The following CTNND2 variants were observed in gnomAD, a reference collection of about 807,000 sequenced individuals.
CTNND2 encodes the protein catenin delta 2.
A neutral mutation model predicts 144.4 loss-of-function variants in CTNND2; 22 were observed. That is an observed-to-expected ratio of 0.15 (90% confidence interval 0.11 to 0.22). CTNND2 has a LOEUF of 0.22. CTNND2 is among the 10% of genes least tolerant of loss of function. The probability of loss-of-function intolerance (pLI) is 1.00; values close to 1 mark genes in which losing one functional copy is unlikely to be tolerated. For missense variants in CTNND2, 1,353 were observed against 1,618.8 expected (o/e 0.84, Z 2.82); for synonymous variants, 751 against 695.6 (o/e 1.08, Z -1.25).
chr5:11,382,797 C>A (rs1581071135), intron 7 of CTNND2, among the ~76,000 whole-genome samples: 1 of 152,054 alleles, frequency 6.6e-6, no homozygotes, highest in African/African-American at 2.4e-5. Flanking sequence ...AACCAAGTAG[C>A]TCCCAACTTC....
At chr5:11,677,912 C>T (rs1276997309) in intron 2 of CTNND2, among the ~76,000 whole-genome samples, 1 of 152,062 alleles carries the variant, frequency 6.6e-6, no homozygotes, top group Non-Finnish European at 1.5e-5. Flanking sequence ...GCAGGAGTTC[C>T]ACTCATATTG....
intron 3 of CTNND2, among the ~76,000 whole-genome samples, chr5:11,529,005 T>A: frequency 6.6e-6 from 1 of 152,186 alleles, no homozygotes; most frequent in South Asian, 2.1e-4. Flanking sequence ...GATGAAAATA[T>A]GTGGGAAGGG....
chr5:11,881,807 C>T (rs1487151053), intron 1 of CTNND2, among the ~76,000 whole-genome samples: 1 of 152,030 alleles, frequency 6.6e-6, no homozygotes, highest in Non-Finnish European at 1.5e-5. Flanking sequence ...TTTTGAAGAA[C>T]TGCCCTACTT....
intron 1 of CTNND2, among the ~76,000 whole-genome samples, chr5:11,834,948 G>C (rs1468409464): frequency 1.3e-5 from 2 of 152,146 alleles, no homozygotes; most frequent in African/African-American, 2.4e-5. Flanking sequence ...TGAGCAGCCT[G>C]GCCAACATGG....
intron 1 of CTNND2, among the ~76,000 whole-genome samples, chr5:11,807,018 AAAAT>A (rs531472896): frequency 1.6e-3 from 238 of 152,238 alleles, no homozygotes; most frequent in African/African-American, 5.4e-3. Context: ...AATTATAATA[AAAAT>A]AAATATTTAA....
chr5:11,234,646 G>C (rs1467706560), intron 10 of CTNND2, among the ~76,000 whole-genome samples: 1 of 152,192 alleles, frequency 6.6e-6, no homozygotes, highest in East Asian at 1.9e-4. Context: ...AGGTGGCATT[G>C]CCACTGAGAG....
intron 16 of CTNND2, among the ~76,000 whole-genome samples, chr5:11,045,349 G>T (rs180672714): frequency 6.6e-6 from 1 of 152,132 alleles, no homozygotes; most frequent in African/African-American, 2.4e-5. Context: ...GAGATCGTAC[G>T]GGGAGAGAAG....
intron 1 of CTNND2, among the ~76,000 whole-genome samples, chr5:11,885,815 C>A (rs1469962239): frequency 6.6e-6 from 1 of 152,120 alleles, no homozygotes; most frequent in African/African-American, 2.4e-5. Context: ...AAAATAAAAT[C>A]ATATCAAGTA....
chr5:11,216,291 G>A (rs552627874), intron 10 of CTNND2, among the ~76,000 whole-genome samples: 2 of 152,304 alleles, frequency 1.3e-5, no homozygotes, highest in South Asian at 2.1e-4. Flanking sequence ...CATGTTACAC[G>A]GAAAAGAGGA....
At chr5:11,474,627 G>T (rs192741946) in intron 3 of CTNND2, among the ~76,000 whole-genome samples, 11 of 152,328 alleles carry the variant, frequency 7.2e-5, no homozygotes, top group Admixed American at 6.5e-4. Context: ...TCTCCTTAGG[G>T]ATAGCAACAG....
chr5:11,313,319 C>T (rs55759712), intron 9 of CTNND2, among the ~76,000 whole-genome samples: 32 of 152,326 alleles, frequency 2.1e-4, no homozygotes, highest in African/African-American at 4.6e-4. Context: ...AGCCTCAGTA[C>T]GGCTGCTCAG....
intron 18 of CTNND2, among the ~76,000 whole-genome samples, chr5:11,001,160 C>T (rs188252536): frequency 3.3e-5 from 5 of 152,294 alleles, no homozygotes; most frequent in Admixed American, 1.3e-4. Flanking sequence ...AACATCCCCA[C>T]CTTTGATCAG....
At chr5:11,728,761 A>T (rs1048567639) in intron 2 of CTNND2, among the ~76,000 whole-genome samples, 1 of 152,144 alleles carries the variant, frequency 6.6e-6, no homozygotes, top group African/African-American at 2.4e-5. Flanking sequence ...CTGGGGTTTG[A>T]TAATATATTG....
At chr5:11,812,372 T>C (rs1792383239) in intron 1 of CTNND2, among the ~76,000 whole-genome samples, 2 of 152,220 alleles carry the variant, frequency 1.3e-5, no homozygotes, top group Admixed American at 6.5e-5. Flanking sequence ...TATTCTTTCA[T>C]AACTGCAAGC....
intron 2 of CTNND2, among the ~76,000 whole-genome samples, chr5:11,572,565 ATCC>A (rs1326738413): frequency 6.6e-6 from 1 of 152,050 alleles, no homozygotes; most frequent in African/African-American, 2.4e-5. Flanking sequence ...ATTAGATGAC[ATCC>A]TCCTGATACA....
chr5:11,620,822 G>C (rs1780796386), intron 2 of CTNND2, among the ~76,000 whole-genome samples: 1 of 152,172 alleles, frequency 6.6e-6, no homozygotes, highest in Non-Finnish European at 1.5e-5. Flanking sequence ...AAAGTGCCAG[G>C]TGACACTTAG....
intron 9 of CTNND2, among the ~76,000 whole-genome samples, chr5:11,306,476 G>A (rs1198514929): frequency 5.3e-5 from 8 of 152,174 alleles, no homozygotes; most frequent in Non-Finnish European, 8.8e-5. Flanking sequence ...GGGTGGATCC[G>A]AGGATGTCTG....
At chr5:11,378,152 G>T (rs1372352282) in intron 7 of CTNND2, among the ~76,000 whole-genome samples, 1 of 152,174 alleles carries the variant, frequency 6.6e-6, no homozygotes, top group Non-Finnish European at 1.5e-5. Flanking sequence ...CTGCTTTGTT[G>T]GTGGAAGCAG....
At chr5:11,368,157 G>A (rs1757149348) in intron 7 of CTNND2, among the ~76,000 whole-genome samples, 1 of 152,158 alleles carries the variant, frequency 6.6e-6, no homozygotes, top group Non-Finnish European at 1.5e-5. Context: ...AAGGGTATTG[G>A]AATTTCCCTA....
Sources: gnomAD v4.1 joint callset for allele counts (sites outside exome capture counted in the v4.1 genomes callset) on GRCh38, gnomAD v4.1.1 for gene constraint, MANE v1.5 for transcripts, NCBI Gene and HGNC (gene_info 2026-07-23, HGNC 2026-07-21) for gene names.